Variants in SLC44A5 observed in about 807,000 individuals in gnomAD.
The protein encoded by SLC44A5 is solute carrier family 44 member 5.
In SLC44A5, 57 loss-of-function variants were observed where a neutral mutation model predicts 101.8. The ratio of observed to expected loss-of-function variants is 0.56; its 90% CI spans 0.45 to 0.70. The LOEUF (loss-of-function observed/expected upper bound fraction) is 0.70. SLC44A5 is among the 30% of genes least tolerant of loss of function. SLC44A5 has a pLI of 0.00. For missense variants in SLC44A5, 737 were observed against 853.1 expected, an observed-to-expected ratio of 0.86 and a Z score of 1.70; for synonymous variants, 281 against 290.9, an observed-to-expected ratio of 0.97 and a Z score of 0.35.
intron 11 of SLC44A5, among the ~76,000 whole-genome samples, chr1:75,235,428 T>G (rs1026805489): frequency 6.6e-6 from 1 of 151,896 alleles, no homozygotes; most frequent in Non-Finnish European, 1.5e-5. Context: ...TCTATCATAA[T>G]GTACACTTGT....
intron 13 of SLC44A5, among the ~76,000 whole-genome samples, chr1:75,222,724 C>T (rs1238719193): frequency 6.6e-6 from 1 of 152,176 alleles, no homozygotes; most frequent in Non-Finnish European, 1.5e-5. Context: ...TTTCACACAA[C>T]TTGTAGAACT....
intron 5 of SLC44A5, among the ~76,000 whole-genome samples, chr1:75,299,880 G>A (rs921702944): frequency 1.3e-5 from 2 of 151,668 alleles, no homozygotes; most frequent in South Asian, 2.1e-4. Context: ...GCTGGGCATG[G>A]TAGTGCATGC....
rs566375746 is a variant in SLC44A5, at chr1:75,333,073, A to T, written c.101+6509T>A. Among the ~76,000 whole-genome samples, 29 of 151,698 alleles carry T rather than the reference A, an allele frequency of 1.9e-4. 1 individual carries two copies. Among genetic ancestry groups the T allele is most frequent in the South Asian group, 4.2e-4 (2 of 4,802 alleles). ...TATAGAAAAAAAGAACACAAAATTTAAAAAAAAAGTAGGTCCTGTGTTGTA... is the reference window on the plus strand; with the variant it reads ...TATAGAAAAAAAGAACACAAAATTTTAAAAAAAAGTAGGTCCTGTGTTGTA... On this transcript the variant is annotated intron_variant, in intron 4 of 23. Transcript: ENST00000370859.
chr1:75,206,828 G>A, intron 23 of SLC44A5: 1 of 664,418 alleles, frequency 1.5e-6, no homozygotes, highest in South Asian at 2.0e-5. Context: ...ATCAGTGTTA[G>A]AAAGTCAAAT....
chr1:75,585,726 A>G (rs1300635248), intron 1 of SLC44A5, among the ~76,000 whole-genome samples: 1 of 152,222 alleles, frequency 6.6e-6, no homozygotes, highest in African/African-American at 2.4e-5. Context: ...CATTTTATAC[A>G]TATTTATTCA....
intron 6 of SLC44A5, 115 bp downstream of exon 6, chr1:75,274,843 G>T (rs779174551): frequency 1.1e-5 from 9 of 811,278 alleles, no homozygotes; most frequent in Non-Finnish European, 1.6e-5. Context: ...GGGAGGGAAG[G>T]CTTCCTTTAT....
intron 2 of SLC44A5, among the ~76,000 whole-genome samples, chr1:75,450,170 G>A (rs921565149): frequency 2.0e-5 from 3 of 152,122 alleles, no homozygotes; most frequent in Non-Finnish European, 1.5e-5. Flanking sequence ...AAAAGCGAGT[G>A]AAGCTCCAGT....
intron 2 of SLC44A5, among the ~76,000 whole-genome samples, chr1:75,482,259 A>G (rs1188938777): frequency 6.7e-4 from 96 of 142,408 alleles, no homozygotes; most frequent in African/African-American, 2.3e-3. Context: ...ATCACACTCT[A>G]GGGACTGTTG....
the SLC44A5 span, among the ~76,000 whole-genome samples, chr1:75,616,231 A>C: frequency 6.9e-6 from 1 of 145,474 alleles, no homozygotes. Flanking sequence ...CCCCTTCTCC[A>C]CACCCTCCCT....
the SLC44A5 span, among the ~76,000 whole-genome samples, chr1:75,634,944 A>C: frequency 6.6e-6 from 1 of 152,128 alleles, no homozygotes; most frequent in African/African-American, 2.4e-5. Context: ...TCTACAATGA[A>C]CTCAAACACA....
chr1:75,518,507 C>T (rs1355237607), intron 2 of SLC44A5, among the ~76,000 whole-genome samples: 1 of 152,084 alleles, frequency 6.6e-6, no homozygotes, highest in Non-Finnish European at 1.5e-5. Context: ...GTGCCCAGCA[C>T]TGTAGTTGAT....
At chr1:75,594,115 A>T (rs1674506404) in intron 1 of SLC44A5, among the ~76,000 whole-genome samples, 1 of 151,974 alleles carries the variant, frequency 6.6e-6, no homozygotes, top group African/African-American at 2.4e-5. Flanking sequence ...ATAAATATAT[A>T]CACCTACTGT....
the SLC44A5 span, among the ~76,000 whole-genome samples, chr1:75,669,844 T>C: frequency 6.6e-6 from 1 of 152,238 alleles, no homozygotes; most frequent in Non-Finnish European, 1.5e-5. Flanking sequence ...AAATTCTCTA[T>C]ATACATCTTT....
chr1:75,611,070 A>T lies in SLC44A5; in HGVS notation c.-100T>A. On this transcript the variant is annotated 5_prime_UTR_variant, in exon 1 of 24. An upstream start codon of the reference 5' UTR is lost. Coordinates refer to ENST00000370859, the MANE Select transcript of SLC44A5 (RefSeq NM_001130058.2). Reference sequence around the variant, plus strand: ...ACTCCATCATTTCTTCAATAACTCCATCAACACTGAACCTTCTAACTCTAA... The same window carrying T: ...ACTCCATCATTTCTTCAATAACTCCTTCAACACTGAACCTTCTAACTCTAA... The T allele has an allele frequency of 1.0e-6, 1 of 985,314 alleles. No individual in the cohort carries two copies. The highest frequency in any genetic ancestry group is 1.2e-6 in the Non-Finnish European group (1 of 829,882). 61.0% of individuals were successfully genotyped at this position (985,314 alleles called of 1,614,324 possible). A position where few individuals can be genotyped will look rare whatever the true frequency, so the allele number is the denominator to read the frequency against.
chr1:75,301,194 T>C (rs1048184193), intron 4 of SLC44A5, among the ~76,000 whole-genome samples: 1 of 152,138 alleles, frequency 6.6e-6, no homozygotes, highest in Non-Finnish European at 1.5e-5. Flanking sequence ...ACAAGGTATA[T>C]AAAGCATTAA....
At chr1:75,282,075 C>G (rs2100783644) in intron 5 of SLC44A5, among the ~76,000 whole-genome samples, 1 of 152,320 alleles carries the variant, frequency 6.6e-6, no homozygotes, top group Middle Eastern at 3.4e-3. Context: ...ACACTCAATG[C>G]CAGCCAGTGA....
chr1:75,454,985 T>G (rs1335356237), intron 2 of SLC44A5, among the ~76,000 whole-genome samples: 7 of 151,964 alleles, frequency 4.6e-5, no homozygotes, highest in African/African-American at 9.7e-5. Context: ...GCTATTCCTA[T>G]CACACTATCA....
At chr1:75,624,649 T>G in the SLC44A5 span, among the ~76,000 whole-genome samples, 1 of 152,130 alleles carries the variant, frequency 6.6e-6, no homozygotes, top group Non-Finnish European at 1.5e-5. Context: ...ACTGAGTCCT[T>G]CTGGCTCCAG....
chr1:75,544,742 A>T (rs989757631), intron 1 of SLC44A5, among the ~76,000 whole-genome samples: 4 of 152,172 alleles, frequency 2.6e-5, no homozygotes, highest in African/African-American at 9.7e-5. Flanking sequence ...TCCTTTACAG[A>T]ATTTTTTTCT....
Sources: allele counts gnomAD v4.1 joint callset (sites outside exome capture counted in the v4.1 genomes callset), GRCh38; gene constraint gnomAD v4.1.1; transcripts MANE v1.5; gene names NCBI Gene and HGNC (gene_info 2026-07-23, HGNC 2026-07-21).